The following EYA1 variants were observed in gnomAD, a reference collection of about 807,000 sequenced individuals.
EYA1 encodes the protein protein phosphatase EYA1.
In EYA1, 16 loss-of-function variants were observed where a neutral mutation model predicts 82.0. That is an observed-to-expected ratio of 0.20 (90% CI 0.13 to 0.30). EYA1 has a LOEUF of 0.30. Ranked by LOEUF, EYA1 falls within the 10% of genes least tolerant of loss-of-function variation. The pLI is 1.00. For synonymous variants in EYA1, 261 were observed against 264.4 expected (o/e 0.99, Z 0.12); for missense variants, 633 against 730.7 (o/e 0.87, Z 1.54).
At chr8:71,425,575 A>G (rs544766315) in intron 2 of EYA1, among the ~76,000 whole-genome samples, 1 of 147,632 alleles carries the variant, frequency 6.8e-6, no homozygotes. Flanking sequence ...ATAAGGGGGG[A>G]AATTTCCCTT....
chr8:71,263,900 A>G (rs1356166801), intron 11 of EYA1, among the ~76,000 whole-genome samples: 1 of 152,330 alleles, frequency 6.6e-6, no homozygotes, highest in East Asian at 1.9e-4. Context: ...AAAGAAAAAT[A>G]TTTCATAAGA....
At chr8:71,235,711 G>A (rs1262469793) in intron 12 of EYA1, among the ~76,000 whole-genome samples, 1 of 152,060 alleles carries the variant, frequency 6.6e-6, no homozygotes, top group East Asian at 1.9e-4. Context: ...ACTGTGCCTA[G>A]GTACTTAATG....
At chr8:71,490,015 G>A (rs139751436) in intron 2 of EYA1, among the ~76,000 whole-genome samples, 1 of 152,278 alleles carries the variant, frequency 6.6e-6, no homozygotes, top group East Asian at 1.9e-4. Flanking sequence ...TGATCTCCAG[G>A]ACTGGATCCC....
At chr8:71,451,356 G>A (rs112583635) in intron 2 of EYA1, among the ~76,000 whole-genome samples, 29 of 152,190 alleles carry the variant, frequency 1.9e-4, no homozygotes, top group African/African-American at 6.7e-4. Flanking sequence ...ATATTATACT[G>A]TCAATTAAAA....
chr8:71,347,843 T>A (rs543198348), intron 3 of EYA1, among the ~76,000 whole-genome samples: 3 of 142,754 alleles, frequency 2.1e-5, no homozygotes, highest in African/African-American at 2.6e-5. Flanking sequence ...TTTGGTAGAG[T>A]CTGTCTACCA....
At chr8:71,366,111 A>G (rs1263191616), upstream of EYA1, among the ~76,000 whole-genome samples, 3 of 152,056 alleles carry the variant, frequency 2.0e-5, no homozygotes, top group African/African-American at 7.2e-5. Context: ...GTAGGGTGTG[A>G]AACTTGTTAT....
chr8:71,492,441 T>C (rs1811070188), intron 2 of EYA1, among the ~76,000 whole-genome samples: 1 of 151,566 alleles, frequency 6.6e-6, no homozygotes, highest in Non-Finnish European at 1.5e-5. Flanking sequence ...GCCCACAGAA[T>C]GACAGTTTAT....
intron 3 of EYA1, among the ~76,000 whole-genome samples, chr8:71,341,133 G>C (rs963688083): frequency 6.6e-6 from 1 of 152,160 alleles, no homozygotes; most frequent in Non-Finnish European, 1.5e-5. Context: ...TGTATGTTTA[G>C]AGAGGATCCC....
intron 2 of EYA1, among the ~76,000 whole-genome samples, chr8:71,406,784 G>A (rs201325310): frequency 0.19 from 26,674 of 141,612 alleles, 2,937 homozygotes; most frequent in Middle Eastern, 0.28. Flanking sequence ...CAAGGCGGCA[G>A]CGAGGCTGGG....
chr8:71,274,821 A>G (rs967846616), intron 9 of EYA1, among the ~76,000 whole-genome samples: 7 of 152,000 alleles, frequency 4.6e-5, no homozygotes, highest in South Asian at 2.1e-4. Context: ...AGGGAATATG[A>G]CTGTGTTCCA....
At chr8:71,287,783 G>C (rs996800959) in intron 9 of EYA1, among the ~76,000 whole-genome samples, 2 of 152,218 alleles carry the variant, frequency 1.3e-5, no homozygotes, top group Admixed American at 6.5e-5. Context: ...CCAGCACCAA[G>C]CACAGTGCCT....
At chr8:71,236,161 G>A (rs1436142235) in intron 12 of EYA1, among the ~76,000 whole-genome samples, 2 of 152,012 alleles carry the variant, frequency 1.3e-5, no homozygotes, top group Non-Finnish European at 2.9e-5. Context: ...TCAGCATCCC[G>A]AGTAGCTGGG....
At chr8:71,219,025 G>C (rs564936721) in intron 12 of EYA1, among the ~76,000 whole-genome samples, 92 of 152,300 alleles carry the variant, frequency 6.0e-4, no homozygotes, top group African/African-American at 2.1e-3. Context: ...TGAAAAAGCA[G>C]GGTGTTAAGA....
chr8:71,338,463 C>T lies in EYA1; in HGVS notation c.125-4289G>A, dbSNP rs116141739. On this transcript the variant is annotated intron_variant, in intron 3 of 17. Transcript: ENST00000340726. ...TAAAAATGAGAAAACCATCTTCCTT[C>T]GTCATAAATTTCAGTGTGGATCTAT... Among the ~76,000 whole-genome samples the T allele has an allele frequency of 1.5e-3, 223 of 152,240 alleles. 1 individual carries two copies. The highest frequency in any genetic ancestry group is 5.3e-3 in the African/African-American group (221 of 41,528).
At chr8:71,387,066 C>T (rs1240110301) in intron 2 of EYA1, among the ~76,000 whole-genome samples, 1 of 152,096 alleles carries the variant, frequency 6.6e-6, no homozygotes, top group African/African-American at 2.4e-5. Flanking sequence ...TGTCCCCTAC[C>T]CCTATAGAGC....
chr8:71,336,297 T>A (rs1191277294), intron 3 of EYA1, among the ~76,000 whole-genome samples: 2 of 152,178 alleles, frequency 1.3e-5, no homozygotes, highest in Non-Finnish European at 2.9e-5. Context: ...GAAAGCGAAG[T>A]CCCTGCTCTC....
chr8:71,219,481 C>T (rs1809620937), intron 12 of EYA1, among the ~76,000 whole-genome samples: 1 of 152,028 alleles, frequency 6.6e-6, no homozygotes, highest in South Asian at 2.1e-4. Context: ...GTAATTGTTG[C>T]TTATTTCACT....
At chr8:71,454,369 G>A (rs1316525102) in intron 2 of EYA1, among the ~76,000 whole-genome samples, 1 of 152,162 alleles carries the variant, frequency 6.6e-6, no homozygotes, top group Non-Finnish European at 1.5e-5. Context: ...CAATGAGACA[G>A]AATGTTAACA....
chr8:71,469,106 T>A (rs4738137), intron 2 of EYA1, among the ~76,000 whole-genome samples: 27,922 of 151,942 alleles, frequency 0.18, 4,792 homozygotes, highest in East Asian at 0.48. Context: ...ATTAATTCAA[T>A]CTAATTATAA....
Sources: gnomAD v4.1 joint callset for allele counts (sites outside exome capture counted in the v4.1 genomes callset) on GRCh38, gnomAD v4.1.1 for gene constraint, MANE v1.5 for transcripts, NCBI Gene and HGNC (gene_info 2026-07-23, HGNC 2026-07-21) for gene names.